MELK: variants seen among roughly 807,000 people sequenced by gnomAD.
The protein encoded by MELK is maternal embryonic leucine zipper kinase, also known as pEg3 kinase.
Under a neutral mutation model 85.0 loss-of-function variants are expected in MELK, and 81 were observed. The ratio of observed to expected loss-of-function variants is 0.95; its 90% confidence interval spans 0.80 to 1.15. The LOEUF is 1.15. MELK is among the 50% of genes most tolerant of loss of function. MELK has a pLI of 0.00. For missense variants in MELK, 754 were observed against 777.5 expected, an observed-to-expected ratio of 0.97 and a Z score of 0.36; for synonymous variants, 252 against 265.0, an observed-to-expected ratio of 0.95 and a Z score of 0.48.
chr9:36,610,240 T>C (rs1460789188), intron 8 of MELK, among the ~76,000 whole-genome samples: 1 of 152,250 alleles, frequency 6.6e-6, no homozygotes, highest in Non-Finnish European at 1.5e-5. Flanking sequence ...GTAGACCCAG[T>C]TGGCTTGTTG....
chr9:36,594,895 A>G (rs1587364578), intron 5 of MELK, 124 bp downstream of exon 5: 7 of 1,061,236 alleles, frequency 6.6e-6, no homozygotes, highest in Non-Finnish European at 7.7e-6. Flanking sequence ...TGCTCCAGTC[A>G]TACCTATCAG....
chr9:36,636,005 C>T (rs1003852838), intron 10 of MELK, among the ~76,000 whole-genome samples: 31 of 151,636 alleles, frequency 2.0e-4, no homozygotes, highest in African/African-American at 7.3e-4. Flanking sequence ...CTGTGTTGGC[C>T]AGGCTGGTCT....
intron 8 of MELK, among the ~76,000 whole-genome samples, chr9:36,614,292 C>T (rs932546492): frequency 6.6e-6 from 1 of 151,774 alleles, no homozygotes. Context: ...GATGGGGTTT[C>T]GCCATGTTGG....
intron 8 of MELK, among the ~76,000 whole-genome samples, chr9:36,617,114 T>C (rs911002170): frequency 2.0e-5 from 3 of 152,174 alleles, no homozygotes; most frequent in East Asian, 1.9e-4. Context: ...GTCAAAGATA[T>C]GTGAATTAGT....
Position 36,605,005 on chromosome 9 carries a change from A to G in MELK, c.568-2570A>G, listed in dbSNP as rs75714971. On this transcript the variant is annotated intron_variant, in intron 7 of 17. Coordinates refer to ENST00000298048, the MANE Select transcript of MELK (RefSeq NM_014791.4). The stretch of plus-strand genomic sequence containing the variant: ...CTCTTGTCCCCCAGGCTGGAGTGCA[A>G]TGGCCTCCTGAGTAGCTGGAATTAC... Among the ~76,000 whole-genome samples the G allele has an allele frequency of 8.0e-3, 1,217 of 151,908 alleles. 12 individuals carry two copies. The highest frequency in any genetic ancestry group is 0.028 in the African/African-American group (1,161 of 41,414).
intron 11 of MELK, 72 bp from the exon 12 acceptor site, chr9:36,651,674 A>G: frequency 6.5e-7 from 1 of 1,538,594 alleles, no homozygotes; most frequent in South Asian, 1.2e-5. Flanking sequence ...GAAGAAAAAA[A>G]TTAATTAAAG....
chr9:36,592,942 G>A (rs1471508670), intron 4 of MELK, among the ~76,000 whole-genome samples: 36 of 152,058 alleles, frequency 2.4e-4, no homozygotes, highest in South Asian at 2.1e-4. Flanking sequence ...AGTTTTCCCT[G>A]TAACCATAGC....
chr9:36,625,339 A>G (rs1827826205), intron 8 of MELK, among the ~76,000 whole-genome samples: 2 of 152,182 alleles, frequency 1.3e-5, no homozygotes, highest in African/African-American at 2.4e-5. Flanking sequence ...TTGCCAAGAA[A>G]GAGAACAAGG....
At chr9:36,630,642 T>G (rs1337749913) in intron 9 of MELK, among the ~76,000 whole-genome samples, 2 of 152,134 alleles carry the variant, frequency 1.3e-5, no homozygotes, top group African/African-American at 4.8e-5. Context: ...ATTCCAAAAT[T>G]ATTGATTGAT....
At chr9:36,606,624 T>C (rs1347534771) in intron 7 of MELK, among the ~76,000 whole-genome samples, 1 of 147,276 alleles carries the variant, frequency 6.8e-6, no homozygotes, top group African/African-American at 2.5e-5. Flanking sequence ...TATAGGTGTA[T>C]ATATGGACAT....
chr9:36,677,351 C>T lies in MELK; in HGVS notation c.*14C>T, dbSNP rs201409152. 8.7e-6 allele frequency: 14 copies of T among 1,603,804 alleles called. No homozygotes were observed. In the Admixed American group the frequency reaches 1.7e-4, roughly 19 times the overall value. ...TGCAAGGTATAATTGATGGATTCTT[C>T]CATCCTGCCGGATGAGTGTGGGTGT... On this transcript the variant is annotated 3_prime_UTR_variant, in exon 18 of 18. Coordinates refer to ENST00000298048, the MANE Select transcript of MELK (RefSeq NM_014791.4).
chr9:36,624,868 T>C (rs1252819047), intron 8 of MELK, among the ~76,000 whole-genome samples: 3 of 152,116 alleles, frequency 2.0e-5, no homozygotes, highest in African/African-American at 4.8e-5. Context: ...GGGCCTGTTA[T>C]TTGTGTGTTG....
intron 1 of MELK, among the ~76,000 whole-genome samples, chr9:36,578,077 TGCCC>T (rs1393931084): frequency 6.6e-6 from 1 of 152,208 alleles, no homozygotes; most frequent in East Asian, 1.9e-4. Context: ...TGAGCCACCA[TGCCC>T]AGCTATCTTT....
Position 36,657,270 on chromosome 9 carries a change from C to T in MELK, c.1083C>T (p.Thr361=), listed in dbSNP as rs55637735. The part of the protein sequence containing the change: ...KSNNWSLEDV[T]ASDKNYVAGL... The stretch of plus-strand genomic sequence containing the variant: ...ATAATTGGAGTCTGGAAGATGTGAC[C>T]GCAAGTGATAAAAATTATGTGGCGG... Residue 361 remains threonine, a synonymous_variant, in exon 13 of 18, where the codon ACC becomes ACT. Coordinates refer to ENST00000298048, the MANE Select transcript of MELK (RefSeq NM_014791.4). The T allele has an allele frequency of 3.0e-3, 4,868 of 1,612,868 alleles. 93 individuals are homozygous for T. In the African/African-American group the frequency reaches 0.051, roughly 17 times the overall value.
intron 16 of MELK, among the ~76,000 whole-genome samples, chr9:36,672,556 A>T (rs1257915933): frequency 6.6e-6 from 1 of 152,184 alleles, no homozygotes; most frequent in Non-Finnish European, 1.5e-5. Flanking sequence ...GTACTTCCAG[A>T]ATGTAGGAGA....
chr9:36,657,119 T>G (rs1831326727), intron 12 of MELK, 122 bp from the exon 13 acceptor site: 1 of 1,128,712 alleles, frequency 8.9e-7, no homozygotes, highest in Non-Finnish European at 1.2e-6. Flanking sequence ...GTTCACACAG[T>G]GATAAAATTG....
Position 36,583,703 on chromosome 9 carries a change from C to G in MELK, c.135C>G (p.Asn45Lys), listed in dbSNP as rs755117441. Residue 45 changes from asparagine to lysine, a missense_variant, in exon 3 of 18, where the codon AAC becomes AAG. Transcript: ENST00000298048. ...TAGCTATAAAAATCATGGATAAAAA[C>G]ACACTAGGGGTAAGTTTAGATTTAT... ...EMVAIKIMDK[N>K]TLGSDLPRIK... The G allele has an allele frequency of 1.9e-6, 3 of 1,606,546 alleles. No homozygotes were observed. In the East Asian group the frequency reaches 6.7e-5, roughly 36 times the overall value.
At chr9:36,597,428 G>T (rs138406546) in intron 6 of MELK, 138 bp downstream of exon 6, 1 of 751,080 alleles carries the variant, frequency 1.3e-6, no homozygotes, top group South Asian at 1.8e-5. Context: ...TTCATCCCAG[G>T]TATGGGTAGT....
chr9:36,592,534 C>G lies in MELK; in HGVS notation c.262-2094C>G, dbSNP rs569330712. Among the ~76,000 whole-genome samples, 187 of 152,122 alleles carry G rather than the reference C, an allele frequency of 1.2e-3. 1 individual carries two copies. The highest frequency in any genetic ancestry group is 3.4e-3 in the Middle Eastern group (1 of 294). On this transcript the variant is annotated intron_variant, in intron 4 of 17. Coordinates refer to ENST00000298048, the MANE Select transcript of MELK (RefSeq NM_014791.4). ...ACTTTTCTTGTGTCTCTTGTAGATACCTACATATATTTTATACGTATGTGT... is the reference window on the plus strand; with the variant it reads ...ACTTTTCTTGTGTCTCTTGTAGATAGCTACATATATTTTATACGTATGTGT...
Sources: gnomAD v4.1 joint callset for allele counts (sites outside exome capture counted in the v4.1 genomes callset) on GRCh38, gnomAD v4.1.1 for gene constraint, MANE v1.5 for transcripts, NCBI Gene and HGNC (gene_info 2026-07-23, HGNC 2026-07-21) for gene names.